Variants in GABRD observed in about 807,000 individuals in gnomAD.
GABRD encodes the protein gamma-aminobutyric acid receptor subunit delta.
GABRD carries 25 observed loss-of-function variants against 47.3 expected under a neutral mutation model. The observed-to-expected ratio is 0.53, with a 90% CI of 0.39 to 0.74. The LOEUF (loss-of-function observed/expected upper bound fraction) is 0.74. Ranked by LOEUF, GABRD falls within the 30% of genes least tolerant of loss-of-function variation. The pLI is 0.00. For synonymous variants in GABRD, 314 were observed against 278.8 expected, an observed-to-expected ratio of 1.13 and a Z score of -1.26; for missense variants, 497 against 643.4, an observed-to-expected ratio of 0.77 and a Z score of 2.46.
chr1:2,028,051 A>G lies in GABRD; in HGVS notation c.554-104A>G. ...GGGGTCCTGCTCGGTCCCCATCACGATGGCGTCGGCCCCCTGCAGGCTTCC... is the reference window on the plus strand; with the variant it reads ...GGGGTCCTGCTCGGTCCCCATCACGGTGGCGTCGGCCCCCTGCAGGCTTCC... On this transcript the variant is annotated intron_variant, in intron 5 of 8. Coordinates refer to ENST00000378585, the MANE Select transcript of GABRD (RefSeq NM_000815.5). This position sits in a 1 kb window ranked among gnomAD's most constrained non-coding sequence, Gnocchi z 6.4. 7.6e-7 allele frequency: 1 copy of G among 1,322,098 alleles called. No individual in the cohort carries two copies. The highest frequency in any genetic ancestry group is 1.0e-6 in the Non-Finnish European group (1 of 964,556). The allele number at this position is 1,322,098 out of a possible 1,614,324, so 81.9% of individuals were successfully genotyped here. A position where few individuals can be genotyped will look rare whatever the true frequency, so the allele number is the denominator to read the frequency against.
intron 1 of GABRD, among the ~76,000 whole-genome samples, chr1:2,020,159 A>G (rs1658735706): frequency 6.6e-6 from 1 of 152,170 alleles, no homozygotes; most frequent in East Asian, 1.9e-4. Flanking sequence ...GAAGAGGCTG[A>G]GAAGGAGGCC....
chr1:2,029,867 G>T (rs543754101), intron 8 of GABRD, 105 bp downstream of exon 8: 8 of 1,506,258 alleles, frequency 5.3e-6, no homozygotes, highest in Middle Eastern at 1.9e-4. Context: ...CCCTGAGCGT[G>T]GGGGGCTGGA....
chr1:2,024,935 T>A lies in GABRD; in HGVS notation c.69-7T>A. 6.2e-7 allele frequency: 1 copy of A among 1,603,144 alleles called. No individual in the cohort carries two copies. Among genetic ancestry groups the A allele is most frequent in the Non-Finnish European group, 8.5e-7 (1 of 1,171,110 alleles). On this transcript the variant is annotated splice_polypyrimidine_tract_variant and splice_region_variant and intron_variant, in intron 1 of 8. Transcript: ENST00000378585. ...GGCCTGTCTGACCGGTGGCTTTGCA[T>A]CCCCAGAGCGATGAATGACATCGGC...
At position 2,029,730 on chromosome 1, in the gene GABRD, G is replaced by A. The variant is rs749316684; in HGVS notation, c.1027G>A (p.Ala343Thr). 6.2e-7 allele frequency: 1 copy of A among 1,613,192 alleles called. No individual in the cohort carries two copies. Among genetic ancestry groups the A allele is most frequent in the East Asian group, 2.2e-5 (1 of 44,902 alleles). ...FNADYRKKQKAKVKVSRPRAE... is the reference protein window; with the variant it reads ...FNADYRKKQKTKVKVSRPRAE... ...CGCCGACTACAGGAAGAAGCAGAAG[G>A]CCAAGGTCAAGGTCTCCAGGCCGAG... Residue 343 changes from alanine to threonine, a missense_variant, in exon 8 of 9, where the codon GCC becomes ACC. Physicochemically the swap from Ala to Thr is moderately conservative, Grantham distance 58. Around this residue, in one of 3 missense-constraint regions of GABRD, gnomAD observed 285 missense variants for 436.6 expected, o/e 0.65. Transcript: ENST00000378585.
chr1:2,019,488 C>A lies in GABRD; in HGVS notation c.65C>A (p.Thr22Asn). The A allele has an allele frequency of 9.0e-7, 1 of 1,105,580 alleles. No individual in the cohort carries two copies. Among genetic ancestry groups the A allele is most frequent in the Non-Finnish European group, 1.1e-6 (1 of 909,660 alleles). The allele number at this position is 1,105,580 out of a possible 1,614,324, so 68.5% of individuals were successfully genotyped here. A position where few individuals can be genotyped will look rare whatever the true frequency, so the allele number is the denominator to read the frequency against. The change falls in exon 1 of 9, where the codon ACC becomes AAC. Residue 22 changes from threonine (T) to asparagine (N), a missense_variant. Transcript: ENST00000378585. The part of the protein sequence containing the change: ...LLLCAQQLRG[T>N]RAMNDIGDYV... ...CTCTGCGCGCAGCAGCTCCGCGGCA[C>A]CAGGTGAGCGGGCGGGGTCCGCGCG...
At chr1:2,021,371 C>T (rs941397186) in intron 1 of GABRD, among the ~76,000 whole-genome samples, 3 of 152,116 alleles carry the variant, frequency 2.0e-5, no homozygotes, top group Non-Finnish European at 2.9e-5. Flanking sequence ...TCAGACTTAG[C>T]GGGGTGCTGT....
At position 2,030,390 on chromosome 1, in the gene GABRD, A is replaced by T. The variant is rs1002120280; in HGVS notation, c.*108A>T. On this transcript the variant is annotated 3_prime_UTR_variant, in exon 9 of 9. Coordinates refer to ENST00000378585, the MANE Select transcript of GABRD (RefSeq NM_000815.5). Reference sequence around the variant, plus strand: ...CTGCCTTCCCCTCTGCGTGTTTCGAAGTGGGATGACAGTCGGCCACGGAAA... The same window carrying T: ...CTGCCTTCCCCTCTGCGTGTTTCGATGTGGGATGACAGTCGGCCACGGAAA... The T allele has an allele frequency of 4.0e-6, 4 of 1,010,060 alleles. No individual in the cohort carries two copies. Among genetic ancestry groups the T allele is most frequent in the African/African-American group, 1.7e-5 (1 of 59,638 alleles). The allele number at this position is 1,010,060 out of a possible 1,614,324, so 62.6% of individuals were successfully genotyped here. A position where few individuals can be genotyped will look rare whatever the true frequency, so the allele number is the denominator to read the frequency against.
Position 2,025,056 on chromosome 1 carries a change from T to G in GABRD, c.181+2T>G, listed in dbSNP as rs1571027247. On this transcript the variant is annotated splice_donor_variant, in intron 2 of 8. Transcript: ENST00000378585. LOFTEE classifies it high-confidence loss of function. ...GCAACTTCCGGCCTGGCATCGGAGG[T>G]GAGGGGCGGTCCAGGCCCGGCAGGC... The G allele has an allele frequency of 1.2e-6, 2 of 1,609,858 alleles. No individual in the cohort carries two copies. The highest frequency in any genetic ancestry group is 1.7e-6 in the Non-Finnish European group (2 of 1,177,818).
rs1308268539 is a variant in GABRD, at chr1:2,029,536, A to G, written c.848-15A>G. On this transcript the variant is annotated splice_polypyrimidine_tract_variant and intron_variant, in intron 7 of 8. Coordinates refer to ENST00000378585, the MANE Select transcript of GABRD (RefSeq NM_000815.5). The stretch of plus-strand genomic sequence containing the variant: ...AGGGCAGGGCTACGACAATGGCACC[A>G]CCTGTGCCCGGCAGGCATCACCACG... 2 of 1,611,252 alleles carry G rather than the reference A, an allele frequency of 1.2e-6. No homozygotes were observed. The highest frequency in any genetic ancestry group is 2.7e-5 in the African/African-American group (2 of 74,902).
In GABRD at chr1:2,028,410, C is replaced by T. The variant is rs1658992119; in HGVS notation, c.691+118C>T. ...CGTGCGCCCGCCTGTGGTTTTCATGCTTTTTAGTCAAGCGCCCGCAGGCCC... is the reference window on the plus strand; with the variant it reads ...CGTGCGCCCGCCTGTGGTTTTCATGTTTTTTAGTCAAGCGCCCGCAGGCCC... On this transcript the variant is annotated intron_variant, in intron 6 of 8. Coordinates refer to ENST00000378585, the MANE Select transcript of GABRD (RefSeq NM_000815.5). This position sits in a 1 kb window ranked among gnomAD's most constrained non-coding sequence, Gnocchi z 6.4. The T allele has an allele frequency of 1.7e-6, 2 of 1,182,882 alleles. No homozygotes were observed. Among genetic ancestry groups the T allele is most frequent in the African/African-American group, 3.4e-5 (2 of 58,268 alleles). 73.3% of individuals were successfully genotyped at this position (1,182,882 alleles called of 1,614,324 possible). A position where few individuals can be genotyped will look rare whatever the true frequency, so the allele number is the denominator to read the frequency against.
chr1:2,022,260 C>T (rs1394004698), intron 1 of GABRD: 1 of 152,598 alleles, frequency 6.6e-6, no homozygotes, highest in Admixed American at 6.5e-5. Context: ...GCTAGATCTG[C>T]CTCCCTTGTA....
intron 4 of GABRD, chr1:2,026,416 G>T (rs886315943): frequency 6.6e-6 from 1 of 152,378 alleles, no homozygotes; most frequent in East Asian, 1.9e-4. Flanking sequence ...AGGGGCGCTT[G>T]GGTGGCTTCC....
intron 1 of GABRD, among the ~76,000 whole-genome samples, chr1:2,023,076 A>G (rs1658823791): frequency 6.6e-6 from 1 of 152,108 alleles, no homozygotes; most frequent in Non-Finnish European, 1.5e-5. Flanking sequence ...GAGCAGAGTC[A>G]AGGCTGGATG....
intron 4 of GABRD, among the ~76,000 whole-genome samples, chr1:2,026,069 G>A (rs1015557438): frequency 1.3e-5 from 2 of 152,184 alleles, no homozygotes; most frequent in African/African-American, 2.4e-5. Flanking sequence ...GATTCGCCAC[G>A]TTGTGCAACC....
chr1:2,029,669 T>C lies in GABRD; in HGVS notation c.966T>C (p.Phe322=), dbSNP rs937477150. The change falls in exon 8 of 9, where the codon TTT becomes TTC. Residue 322 remains phenylalanine (F), a synonymous_variant. Transcript: ENST00000378585. ...VYFWICYVFV[F]AALVEYAFAH... ...TCTGGATCTGCTATGTCTTCGTGTTTGCCGCCCTGGTGGAGTACGCCTTTG... is the reference window on the plus strand; with the variant it reads ...TCTGGATCTGCTATGTCTTCGTGTTCGCCGCCCTGGTGGAGTACGCCTTTG... 3.3e-5 allele frequency: 54 copies of C among 1,613,458 alleles called. No homozygotes were observed. The highest frequency in any genetic ancestry group is 4.1e-5 in the Non-Finnish European group (48 of 1,180,020).
chr1:2,030,320 C>A lies in GABRD; in HGVS notation c.*38C>A. On this transcript the variant is annotated 3_prime_UTR_variant, in exon 9 of 9. Transcript: ENST00000378585. ...GGCCACCCTCGCTTGTCCTGGCGCC[C>A]GGCGGCAGCTGCCCAGAAACTTCCT... The A allele has an allele frequency of 6.8e-7, 1 of 1,465,334 alleles. No individual in the cohort carries two copies. The highest frequency in any genetic ancestry group is 9.0e-7 in the Non-Finnish European group (1 of 1,105,440). 90.8% of individuals were successfully genotyped at this position (1,465,334 alleles called of 1,614,324 possible).
rs575455694 is a variant in GABRD, at chr1:2,030,018, C to G, written c.1095C>G (p.Leu365=). Residue 365 remains leucine, a synonymous_variant, in exon 9 of 9, where the codon CTC becomes CTG. Transcript: ENST00000378585. Reference sequence around the variant, plus strand: ...GGAACGCCATTGTCCTCTTCTCCCTCTCTGCTGCCGGCGTCACGCAGGAGC... The same window carrying G: ...GGAACGCCATTGTCCTCTTCTCCCTGTCTGCTGCCGGCGTCACGCAGGAGC... The part of the protein sequence containing the change: ...DVRNAIVLFS[L]SAAGVTQELA... 8 of 1,612,610 alleles carry G rather than the reference C, an allele frequency of 5.0e-6. No individual in the cohort carries two copies. The highest frequency in any genetic ancestry group is 6.8e-6 in the Non-Finnish European group (8 of 1,179,904).
At chr1:2,023,027 C>T (rs1207515945) in intron 1 of GABRD, among the ~76,000 whole-genome samples, 4 of 152,122 alleles carry the variant, frequency 2.6e-5, no homozygotes. Context: ...CCCGGTGGTC[C>T]TCAGGGGGCC....
chr1:2,026,001 G>A (rs754286141), intron 4 of GABRD, among the ~76,000 whole-genome samples: 1 of 152,242 alleles, frequency 6.6e-6, no homozygotes, highest in Non-Finnish European at 1.5e-5. Context: ...AAATGGGGTG[G>A]AATTCACATA....
Sources: allele counts gnomAD v4.1 joint callset (sites outside exome capture counted in the v4.1 genomes callset), GRCh38; gene constraint gnomAD v4.1.1; regional missense constraint gnomAD v4.1.1; non-coding constraint Gnocchi (gnomAD v3.1); transcripts MANE v1.5; gene names NCBI Gene and HGNC (gene_info 2026-07-23, HGNC 2026-07-21).